Variants in SPHKAP observed in about 807,000 individuals in gnomAD.
SPHKAP encodes the protein A-kinase anchor protein SPHKAP.
SPHKAP carries 67 observed loss-of-function variants against 137.5 expected under a neutral mutation model. The observed-to-expected ratio is 0.49, with a 90% CI of 0.40 to 0.60. The LOEUF is 0.60. Ranked by LOEUF, SPHKAP falls within the 20% of genes least tolerant of loss-of-function variation. The pLI is 0.00. For synonymous variants in SPHKAP, 813 were observed against 785.3 expected, an observed-to-expected ratio of 1.04 and a Z score of -0.59; for missense variants, 2,097 against 2,069.3, an observed-to-expected ratio of 1.01 and a Z score of -0.26.
rs114719993 is a variant in SPHKAP, at chr2:228,125,949, G to A, written c.138+6031C>T. Among the ~76,000 whole-genome samples the A allele has an allele frequency of 4.6e-5, 7 of 152,110 alleles. No individual in the cohort carries two copies. In the East Asian group the frequency reaches 7.7e-4, roughly 17 times the overall value. Reference sequence around the variant, plus strand: ...AAAAGAATTAGCTGGGTGTCATGGCGTCCACCTGTAATCCCAGCTACTTGG... The same window carrying A: ...AAAAGAATTAGCTGGGTGTCATGGCATCCACCTGTAATCCCAGCTACTTGG... On this transcript the variant is annotated intron_variant, in intron 2 of 11. Coordinates refer to ENST00000392056, the MANE Select transcript of SPHKAP (RefSeq NM_001142644.2).
chr2:228,052,645 C>A (rs1696300335), intron 3 of SPHKAP, among the ~76,000 whole-genome samples: 1 of 152,068 alleles, frequency 6.6e-6, no homozygotes, highest in South Asian at 2.1e-4. Flanking sequence ...ATAAGCAATA[C>A]CTAAAGCTGT....
At chr2:228,109,004 T>G in intron 2 of SPHKAP, 65 bp from the exon 3 acceptor site, 5 of 939,578 alleles carry the variant, frequency 5.3e-6, no homozygotes, top group Non-Finnish European at 4.5e-6. Context: ...AGCAGCTCTC[T>G]CTCTTTTTTT....
intron 1 of SPHKAP, among the ~76,000 whole-genome samples, chr2:228,144,790 C>T (rs1182103270): frequency 1.3e-5 from 2 of 152,198 alleles, no homozygotes; most frequent in Admixed American, 6.5e-5. Context: ...TAGGTTACTG[C>T]TTTGATGATG....
At chr2:228,036,800 G>T (rs1257556133) in intron 3 of SPHKAP, among the ~76,000 whole-genome samples, 1 of 151,710 alleles carries the variant, frequency 6.6e-6, no homozygotes. Context: ...ACCAGACACT[G>T]CATGTTCTCA....
Position 228,019,026 on chromosome 2 carries a change from G to A in SPHKAP, c.1828C>T (p.Leu610Phe). The A allele has an allele frequency of 1.2e-6, 2 of 1,614,018 alleles. No individual in the cohort carries two copies. The highest frequency in any genetic ancestry group is 1.7e-6 in the Non-Finnish European group (2 of 1,179,948). Reference sequence around the variant, plus strand: ...CCCTTGGCAATGGCTTCCTTGCCAAGCTCCATGCTTGCTAAACCACAAAGT... The same window carrying A: ...CCCTTGGCAATGGCTTCCTTGCCAAACTCCATGCTTGCTAAACCACAAAGT... ...PPLCGLASMELGKEAIAKGLL... is the reference protein window; with the variant it reads ...PPLCGLASMEFGKEAIAKGLL... The change falls in exon 7 of 12, where the codon CTT (leucine) becomes TTT (phenylalanine). Residue 610 changes from leucine (L) to phenylalanine (F), a missense_variant. Physicochemically the swap from Leu to Phe is conservative, Grantham distance 22. Coordinates refer to ENST00000392056, the MANE Select transcript of SPHKAP (RefSeq NM_001142644.2).
intron 11 of SPHKAP, chr2:227,982,272 AT>A (rs1693029199): frequency 1.0e-6 from 1 of 985,186 alleles, no homozygotes; most frequent in Non-Finnish European, 1.2e-6. Flanking sequence ...GGGTGTGTAA[AT>A]TTAGGCCAAA....
At chr2:228,169,167 T>G (rs193028574) in intron 1 of SPHKAP, among the ~76,000 whole-genome samples, 1 of 152,164 alleles carries the variant, frequency 6.6e-6, no homozygotes, top group Admixed American at 6.5e-5. Context: ...CAGCAAGTGC[T>G]GATGGAGAAG....
chr2:228,039,142 G>A (rs1695744797), intron 3 of SPHKAP, among the ~76,000 whole-genome samples: 1 of 152,186 alleles, frequency 6.6e-6, no homozygotes, highest in Non-Finnish European at 1.5e-5. Flanking sequence ...GTTTGTGCAC[G>A]TGTCCTTACT....
In SPHKAP at chr2:227,981,358, A is replaced by C. The variant is rs1053727055; in HGVS notation, c.*359T>G. 6.2e-6 allele frequency: 1 copy of C among 160,360 alleles called. No homozygotes were observed. Among genetic ancestry groups the C allele is most frequent in the African/African-American group, 2.4e-5 (1 of 41,886 alleles). The allele number at this position is 160,360 out of a possible 1,614,324, so 9.9% of individuals were successfully genotyped here. The stretch of plus-strand genomic sequence containing the variant: ...CACTGAGTTTGTTTCTAGTTGATTC[A>C]TCTAATTAGAGACATTACAAATCAT... On this transcript the variant is annotated 3_prime_UTR_variant, in exon 12 of 12. Coordinates refer to ENST00000392056, the MANE Select transcript of SPHKAP (RefSeq NM_001142644.2).
At chr2:228,034,743 C>G (rs923307661) in intron 3 of SPHKAP, among the ~76,000 whole-genome samples, 1 of 152,122 alleles carries the variant, frequency 6.6e-6, no homozygotes, top group Non-Finnish European at 1.5e-5. Flanking sequence ...AATCAATGAA[C>G]ATAATCCAGC....
At chr2:228,001,517 G>GAATATATATACGTATATATAA (rs1693894273) in intron 7 of SPHKAP, among the ~76,000 whole-genome samples, 2 of 138,184 alleles carry the variant, frequency 1.4e-5, no homozygotes, top group Non-Finnish European at 3.1e-5. Flanking sequence ...GTATATATAA[G>GAATATATATACGTATATATAA]AATATATATA....
chr2:228,074,640 ACAGAGCCAAAC>A (rs1697115840), intron 3 of SPHKAP, among the ~76,000 whole-genome samples: 1 of 152,190 alleles, frequency 6.6e-6, no homozygotes, highest in African/African-American at 2.4e-5. Flanking sequence ...GGGTGGGGAC[ACAGAGCCAAAC>A]CATATCAGCC....
intron 1 of SPHKAP, among the ~76,000 whole-genome samples, chr2:228,141,418 C>T (rs4246657): frequency 0.3 from 45,729 of 152,072 alleles, 7,821 homozygotes; most frequent in East Asian, 0.51. Flanking sequence ...CCACATGAAG[C>T]CCTGTAAATC....
intron 3 of SPHKAP, among the ~76,000 whole-genome samples, chr2:228,090,537 T>C (rs1299020736): frequency 2.0e-5 from 3 of 152,286 alleles, no homozygotes; most frequent in Middle Eastern, 3.4e-3. Context: ...GAGAAGGATA[T>C]GAGATTTTGG....
chr2:228,016,240 C>T (rs1694583726), intron 7 of SPHKAP, among the ~76,000 whole-genome samples, 166 bp downstream of exon 7: 1 of 151,222 alleles, frequency 6.6e-6, no homozygotes, highest in African/African-American at 2.4e-5. Context: ...TATACATGTG[C>T]CATGTTGGTG....
chr2:228,048,660 A>G (rs1366198601), intron 3 of SPHKAP, among the ~76,000 whole-genome samples: 2 of 152,166 alleles, frequency 1.3e-5, no homozygotes, highest in Non-Finnish European at 2.9e-5. Flanking sequence ...TGCCAACAGT[A>G]TTCAGAACAG....
At chr2:228,162,231 T>G (rs2106414407) in intron 1 of SPHKAP, among the ~76,000 whole-genome samples, 1 of 152,340 alleles carries the variant, frequency 6.6e-6, no homozygotes, top group South Asian at 2.1e-4. Context: ...AGAAACAGGT[T>G]GATCTCCAGA....
In SPHKAP at chr2:228,181,386, C is replaced by T. The variant is rs1700907366; in HGVS notation, c.32+181G>A. On this transcript the variant is annotated intron_variant, in intron 1 of 11. Transcript: ENST00000392056. The surrounding 1 kb of genome is among the most constrained non-coding windows in gnomAD (Gnocchi z 4.3). ...GCATCGCGCCCTGTGGGGCAGTTGACAGGGTCCCCTGTAGCTCCAGCGAGG... is the reference window on the plus strand; with the variant it reads ...GCATCGCGCCCTGTGGGGCAGTTGATAGGGTCCCCTGTAGCTCCAGCGAGG... 6.6e-6 allele frequency among the ~76,000 whole-genome samples: 1 copy of T among 152,178 alleles called. No homozygotes were observed. Among genetic ancestry groups the T allele is most frequent in the African/African-American group, 2.4e-5 (1 of 41,456 alleles).
At chr2:228,023,805 G>A (rs750476272) in intron 5 of SPHKAP, among the ~76,000 whole-genome samples, 3 of 152,150 alleles carry the variant, frequency 2.0e-5, no homozygotes, top group African/African-American at 4.8e-5. Flanking sequence ...CACTTCCAGC[G>A]CCAGGGGTGA....
Sources: allele counts gnomAD v4.1 joint callset (sites outside exome capture counted in the v4.1 genomes callset), GRCh38; gene constraint gnomAD v4.1.1; non-coding constraint Gnocchi (gnomAD v3.1); transcripts MANE v1.5; gene names NCBI Gene and HGNC (gene_info 2026-07-23, HGNC 2026-07-21).